The following RAB15 variants were observed in gnomAD, a reference collection of about 807,000 sequenced individuals.
RAB15 encodes the protein ras-related protein Rab-15.
A neutral mutation model predicts 31.8 loss-of-function variants in RAB15; 13 were observed. The observed-to-expected ratio is 0.41, with a 90% CI of 0.27 to 0.65. RAB15 has a LOEUF of 0.65. Ranked by LOEUF, RAB15 falls within the 30% of genes least tolerant of loss-of-function variation. The pLI is 0.32. For missense variants in RAB15, 220 were observed against 277.3 expected (o/e 0.79, Z 1.47); for synonymous variants, 100 against 105.6 (o/e 0.95, Z 0.33).
rs540325719 is a variant in RAB15 at position 64,971,853 on chromosome 14, G to C, written c.124+100C>G. On this transcript the variant is annotated intron_variant, in intron 1 of 6. Transcript: ENST00000533601. The surrounding 1 kb of genome is among the most constrained non-coding windows in gnomAD (Gnocchi z 4.1). Reference sequence around the variant, plus strand: ...CCGGCCTCCGGCGCCACCGCCTCCAGCCGGAGGGGCTGGCAATTCCTCCCC... The same window carrying C: ...CCGGCCTCCGGCGCCACCGCCTCCACCCGGAGGGGCTGGCAATTCCTCCCC... The C allele has an allele frequency of 7.4e-6, 9 of 1,217,120 alleles. No individual in the cohort carries two copies. The African/African-American group carries it at 1.1e-4, about 14-fold the overall frequency. The allele number at this position is 1,217,120 out of a possible 1,614,324, so 75.4% of individuals were successfully genotyped here.
In RAB15 at chr14:64,954,294, G is replaced by C. The variant is rs765238215; in HGVS notation, c.125-1723C>G. The C allele has an allele frequency of 1.0e-6, 1 of 985,334 alleles. No homozygotes were observed. Among genetic ancestry groups the C allele is most frequent in the Non-Finnish European group, 1.2e-6 (1 of 829,934 alleles). The allele number at this position is 985,334 out of a possible 1,614,324, so 61.0% of individuals were successfully genotyped here. A position where few individuals can be genotyped will look rare whatever the true frequency, so the allele number is the denominator to read the frequency against. On this transcript the variant is annotated intron_variant, in intron 1 of 6. Transcript: ENST00000533601. The surrounding 1 kb of genome is among the most constrained non-coding windows in gnomAD (Gnocchi z 4.3). ...AAGCATCAGGCCTTGGGAAGCAGGA[G>C]TATGCTTATTTCTGCCTGGATCAAC...
intron 1 of RAB15, among the ~76,000 whole-genome samples, chr14:64,960,073 C>G (rs1886774124): frequency 6.6e-6 from 1 of 152,178 alleles, no homozygotes; most frequent in African/African-American, 2.4e-5. Flanking sequence ...TGCTGTGACT[C>G]TGTCTGTATG....
rs373897200 is a variant in RAB15, at chr14:64,961,012, G to A, written c.125-8441C>T. On this transcript the variant is annotated intron_variant, in intron 1 of 6. Coordinates refer to ENST00000533601, the MANE Select transcript of RAB15 (RefSeq NM_001308154.2). ...TGCCAGCCAAGCTCCGCATGCTTCAGTGGAAACAGGGCTGCCTCTGGGTGC... is the reference window on the plus strand; with the variant it reads ...TGCCAGCCAAGCTCCGCATGCTTCAATGGAAACAGGGCTGCCTCTGGGTGC... 5.3e-5 allele frequency among the ~76,000 whole-genome samples: 8 copies of A among 152,336 alleles called. No homozygotes were observed. In the East Asian group the frequency reaches 9.6e-4, roughly 18 times the overall value.
intron 1 of RAB15, among the ~76,000 whole-genome samples, chr14:64,957,508 T>G (rs1003663473): frequency 6.6e-6 from 1 of 152,104 alleles, no homozygotes; most frequent in Non-Finnish European, 1.5e-5. Flanking sequence ...AAATGCACAT[T>G]CTCAGGACTC....
Position 64,955,074 on chromosome 14 carries a change from G to A in RAB15, c.125-2503C>T, listed in dbSNP as rs1256883936. On this transcript the variant is annotated intron_variant, in intron 1 of 6. Transcript: ENST00000533601. The surrounding 1 kb of genome is among the most constrained non-coding windows in gnomAD (Gnocchi z 4.4). ...CTAAGGCTGAGGAATTCCGGGGCTC[G>A]CAGCACTCCCCGGCCTCACACACAC... Among the ~76,000 whole-genome samples, 4 of 152,098 alleles carry A rather than the reference G, an allele frequency of 2.6e-5. No homozygotes were observed. In the East Asian group the frequency reaches 5.8e-4, roughly 22 times the overall value.
chr14:64,948,552 C>T lies in RAB15; in HGVS notation c.481-40G>A, dbSNP rs767085940. On this transcript the variant is annotated intron_variant, in intron 6 of 6. Coordinates refer to ENST00000533601, the MANE Select transcript of RAB15 (RefSeq NM_001308154.2). The surrounding 1 kb of genome is among the most constrained non-coding windows in gnomAD (Gnocchi z 7.0). ...GCACAGGTTAGTCCAGTGTCTCCTCCTCTCCCCTGGCAACCCTGCAGCGGC... is the reference window on the plus strand; with the variant it reads ...GCACAGGTTAGTCCAGTGTCTCCTCTTCTCCCCTGGCAACCCTGCAGCGGC... The T allele has an allele frequency of 6.2e-7, 1 of 1,600,542 alleles. No individual in the cohort carries two copies. Among genetic ancestry groups the T allele is most frequent in the African/African-American group, 1.3e-5 (1 of 74,778 alleles).
At position 64,950,173 on chromosome 14, in the gene RAB15, C is replaced by T. The variant is rs566685356; in HGVS notation, c.414+152G>A. On this transcript the variant is annotated intron_variant, in intron 5 of 6. Coordinates refer to ENST00000533601, the MANE Select transcript of RAB15 (RefSeq NM_001308154.2). The surrounding 1 kb of genome is among the most constrained non-coding windows in gnomAD (Gnocchi z 5.6). ...CCTGAAACCCAGACAACAAGCCTTC[C>T]GAGGATGGCCACTCCCCCAGGGCCT... is the stretch of plus-strand genomic sequence containing the variant. 15 of 708,112 alleles carry T rather than the reference C, an allele frequency of 2.1e-5. No homozygotes were observed. The highest frequency in any genetic ancestry group is 9.8e-5 in the East Asian group (4 of 40,638). The allele number at this position is 708,112 out of a possible 1,614,324, so 43.9% of individuals were successfully genotyped here.
chr14:64,963,692 CA>C (rs2139995621), intron 1 of RAB15, among the ~76,000 whole-genome samples: 2 of 152,350 alleles, frequency 1.3e-5, no homozygotes, highest in South Asian at 4.1e-4. Context: ...AATCTCCTGG[CA>C]AGGGGCTTCT....
chr14:64,953,790 C>CT lies in RAB15; in HGVS notation c.125-1220dup. ...TCTGGTGGGTTAATTAAGCTTACGTCTTTGTGTACTCCCTGGAGCAAGGTC... is the reference window on the plus strand; with the variant it reads ...TCTGGTGGGTTAATTAAGCTTACGTCTTTTGTGTACTCCCTGGAGCAAGGTC... On this transcript the variant is annotated intron_variant, in intron 1 of 6. Transcript: ENST00000533601. This position sits in a 1 kb window ranked among gnomAD's most constrained non-coding sequence, Gnocchi z 4.6. The CT allele has an allele frequency of 1.0e-6, 1 of 985,344 alleles. No individual in the cohort carries two copies. Among genetic ancestry groups the CT allele is most frequent in the Non-Finnish European group, 1.2e-6 (1 of 829,890 alleles). The allele number at this position is 985,344 out of a possible 1,614,324, so 61.0% of individuals were successfully genotyped here.
chr14:64,959,971 G>A (rs1184772964), intron 1 of RAB15, among the ~76,000 whole-genome samples: 1 of 151,878 alleles, frequency 6.6e-6, no homozygotes, highest in Non-Finnish European at 1.5e-5. Context: ...GCCACCTGAT[G>A]CCTCAGACAT....
intron 1 of RAB15, among the ~76,000 whole-genome samples, chr14:64,963,678 A>G (rs1886976267): frequency 6.6e-6 from 1 of 152,208 alleles, no homozygotes; most frequent in South Asian, 2.1e-4. Context: ...AGAGCCAGCA[A>G]AGCAATCTCC....
rs1476506466 is a variant in RAB15, at chr14:64,948,454, A to C, written c.539T>G (p.Leu180Arg). The C allele has an allele frequency of 6.2e-7, 1 of 1,613,626 alleles. No individual in the cohort carries two copies. Among genetic ancestry groups the C allele is most frequent in the South Asian group, 1.1e-5 (1 of 90,990 alleles). The change falls in exon 7 of 7, where the codon CTC becomes CGC. Residue 180 changes from leucine to arginine, a missense_variant. By Grantham distance (102) the Leu-to-Arg change is moderately radical. Coordinates refer to ENST00000533601, the MANE Select transcript of RAB15 (RefSeq NM_001308154.2). This position sits in a 1 kb window ranked among gnomAD's most constrained non-coding sequence, Gnocchi z 7.0. Reference protein sequence around the residue: ...LQAHRKELEGLRMRASNELAL... With the variant: ...LQAHRKELEGRRMRASNELAL... ...CAACTCATTGCTGGCACGCATCCGG[A>C]GGCCTTCCAGCTCCTTCCTATGGGC...
In RAB15 at chr14:64,950,292, C is replaced by T. The variant is rs770877693; in HGVS notation, c.414+33G>A. The T allele has an allele frequency of 6.4e-7, 1 of 1,561,044 alleles. No individual in the cohort carries two copies. The highest frequency in any genetic ancestry group is 1.1e-5 in the South Asian group (1 of 90,018). Reference sequence around the variant, plus strand: ...CTGGCCCTGGAGGCCCAGCAGAGGACCTGGGGTGGACTTGCCTTTTCCCTC... The same window carrying T: ...CTGGCCCTGGAGGCCCAGCAGAGGATCTGGGGTGGACTTGCCTTTTCCCTC... On this transcript the variant is annotated intron_variant, in intron 5 of 6. Transcript: ENST00000533601. This position sits in a 1 kb window ranked among gnomAD's most constrained non-coding sequence, Gnocchi z 5.6.
At position 64,962,802 on chromosome 14, in the gene RAB15, G is replaced by A. The variant is rs1387691374; in HGVS notation, c.124+9151C>T. ...CCCTCCCTTCTCTCAGGTCTTGTGT[G>A]GACCCTCACATGTGCACCTGCATCT... On this transcript the variant is annotated intron_variant, in intron 1 of 6. Transcript: ENST00000533601. This position sits in a 1 kb window ranked among gnomAD's most constrained non-coding sequence, Gnocchi z 4.2. Among the ~76,000 whole-genome samples the A allele has an allele frequency of 6.6e-6, 1 of 152,148 alleles. No individual in the cohort carries two copies. The highest frequency in any genetic ancestry group is 2.4e-5 in the African/African-American group (1 of 41,424).
chr14:64,956,984 G>T, intron 1 of RAB15, among the ~76,000 whole-genome samples: 1 of 150,886 alleles, frequency 6.6e-6, no homozygotes. Flanking sequence ...CAGGGATGGA[G>T]TGTAGTGGAG....
intron 1 of RAB15, among the ~76,000 whole-genome samples, chr14:64,967,571 G>A (rs967351203): frequency 6.9e-6 from 1 of 143,974 alleles, no homozygotes; most frequent in Admixed American, 6.8e-5. Flanking sequence ...GGGTGACAGA[G>A]TGAAACCTAG....
In RAB15 at chr14:64,954,092, G is replaced by A. The variant is rs1886410625; in HGVS notation, c.125-1521C>T. The A allele has an allele frequency of 2.0e-6, 2 of 985,456 alleles. No homozygotes were observed. The highest frequency in any genetic ancestry group is 9.4e-5 in the South Asian group (2 of 21,292). 61.0% of individuals were successfully genotyped at this position (985,456 alleles called of 1,614,324 possible). On this transcript the variant is annotated intron_variant, in intron 1 of 6. Coordinates refer to ENST00000533601, the MANE Select transcript of RAB15 (RefSeq NM_001308154.2). This position sits in a 1 kb window ranked among gnomAD's most constrained non-coding sequence, Gnocchi z 4.3. Reference sequence around the variant, plus strand: ...CATTTAATTACAAGGGAAAAAAGATGCAGAACGGGCAACCTGAACTAAATC... The same window carrying A: ...CATTTAATTACAAGGGAAAAAAGATACAGAACGGGCAACCTGAACTAAATC...
At position 64,954,377 on chromosome 14, in the gene RAB15, T is replaced by C; in HGVS notation, c.125-1806A>G. ...GGCATAGAAGGGAATCAAGACATTC[T>C]TGTTTCATGATACAGCACCTTCTTC... On this transcript the variant is annotated intron_variant, in intron 1 of 6. Transcript: ENST00000533601. The surrounding 1 kb of genome is among the most constrained non-coding windows in gnomAD (Gnocchi z 4.3). 1 of 985,424 alleles carries C rather than the reference T, an allele frequency of 1.0e-6. No homozygotes were observed. The highest frequency in any genetic ancestry group is 1.2e-6 in the Non-Finnish European group (1 of 829,910). 61.0% of individuals were successfully genotyped at this position (985,424 alleles called of 1,614,324 possible). A position where few individuals can be genotyped will look rare whatever the true frequency, so the allele number is the denominator to read the frequency against.
intron 1 of RAB15, among the ~76,000 whole-genome samples, chr14:64,966,771 C>T (rs970503472): frequency 1.7e-4 from 26 of 152,138 alleles, no homozygotes; most frequent in African/African-American, 6.3e-4. Context: ...TTAATCTGGG[C>T]TCTTTCCATT....
Sources: allele counts gnomAD v4.1 joint callset (sites outside exome capture counted in the v4.1 genomes callset), GRCh38; gene constraint gnomAD v4.1.1; non-coding constraint Gnocchi (gnomAD v3.1); transcripts MANE v1.5; gene names NCBI Gene and HGNC (gene_info 2026-07-23, HGNC 2026-07-21).